ZNF385D: variants seen among roughly 807,000 people sequenced by gnomAD.
The protein encoded by ZNF385D is zinc finger protein 659.
In ZNF385D, 15 loss-of-function variants were observed where a neutral mutation model predicts 35.8. That is an observed-to-expected ratio of 0.42 (90% CI 0.28 to 0.64). The LOEUF (loss-of-function observed/expected upper bound fraction) is 0.64, where lower values mean the gene tolerates loss of function less well. Among genes scored for constraint, ZNF385D ranks in the 30% least tolerant of loss-of-function variants. The pLI is 0.23. For synonymous variants in ZNF385D, 212 were observed against 186.8 expected, an observed-to-expected ratio of 1.13 and a Z score of -1.10; for missense variants, 474 against 494.6, an observed-to-expected ratio of 0.96 and a Z score of 0.39.
chr3:21,684,531 T>C (rs1034611350), intron 1 of ZNF385D, among the ~76,000 whole-genome samples: 1 of 150,508 alleles, frequency 6.6e-6, no homozygotes, highest in Non-Finnish European at 1.5e-5. Context: ...AAATCTTTAA[T>C]AAGCCCAAAT....
chr3:22,252,954 C>T (rs1211391975), intron 2 of ZNF385D, among the ~76,000 whole-genome samples: 1 of 152,030 alleles, frequency 6.6e-6, no homozygotes, highest in Non-Finnish European at 1.5e-5. Flanking sequence ...ACAAAGCATT[C>T]TTTTAAAACC....
At chr3:21,436,671 A>G (rs1027096143) in intron 5 of ZNF385D, 4 of 298,900 alleles carry the variant, frequency 1.3e-5, no homozygotes, top group Non-Finnish European at 2.5e-5. Context: ...AAATAAATAA[A>G]CAAACTAGAA....
intron 2 of ZNF385D, among the ~76,000 whole-genome samples, chr3:22,174,605 T>C (rs1166227640): frequency 1.3e-5 from 2 of 152,154 alleles, no homozygotes; most frequent in African/African-American, 4.8e-5. Context: ...CTCATATAAA[T>C]AGTGGTAGAG....
intron 2 of ZNF385D, among the ~76,000 whole-genome samples, chr3:22,367,252 G>T (rs1280796113): frequency 6.6e-6 from 1 of 152,028 alleles, no homozygotes. Flanking sequence ...TATAGATGAG[G>T]ACACTGAGGT....
chr3:21,998,807 T>C (rs187218097), intron 3 of ZNF385D, among the ~76,000 whole-genome samples: 12 of 152,322 alleles, frequency 7.9e-5, no homozygotes, highest in Admixed American at 1.3e-4. Flanking sequence ...TAGGCTTAAA[T>C]AGACTGTCAA....
At chr3:21,600,484 A>G (rs919823482) in intron 2 of ZNF385D, among the ~76,000 whole-genome samples, 20 of 152,242 alleles carry the variant, frequency 1.3e-4, no homozygotes, top group African/African-American at 4.6e-4. Context: ...GACCACACTC[A>G]TTCATACTAG....
At chr3:21,755,371 G>A (rs191248296), upstream of ZNF385D, among the ~76,000 whole-genome samples, 3 of 152,162 alleles carry the variant, frequency 2.0e-5, no homozygotes, top group Admixed American at 2.0e-4. Context: ...GGTCGTTAAG[G>A]TTTTCGACAA....
At chr3:21,881,704 C>T (rs1471602162) in intron 3 of ZNF385D, among the ~76,000 whole-genome samples, 1 of 151,822 alleles carries the variant, frequency 6.6e-6, no homozygotes, top group Non-Finnish European at 1.5e-5. Context: ...CTAGTGACTC[C>T]TCTGATGGAT....
At chr3:21,790,520 T>C (rs2071883315) in intron 3 of ZNF385D, among the ~76,000 whole-genome samples, 1 of 152,168 alleles carries the variant, frequency 6.6e-6, no homozygotes, top group Non-Finnish European at 1.5e-5. Context: ...GAAAAAAGAT[T>C]ACTGAAAAAA....
chr3:21,953,021 G>T (rs980889846), intron 3 of ZNF385D, among the ~76,000 whole-genome samples: 6 of 151,918 alleles, frequency 3.9e-5, no homozygotes, highest in Admixed American at 3.3e-4. Context: ...AATCAAGATT[G>T]CAGGTATCTA....
At chr3:21,568,090 G>C (rs2063211219) in intron 2 of ZNF385D, among the ~76,000 whole-genome samples, 1 of 151,800 alleles carries the variant, frequency 6.6e-6, no homozygotes. Flanking sequence ...CTTTTAAAAT[G>C]GATTTCACAA....
At chr3:21,635,586 G>GT (rs1187350089) in intron 2 of ZNF385D, among the ~76,000 whole-genome samples, 1 of 151,736 alleles carries the variant, frequency 6.6e-6, no homozygotes, top group Non-Finnish European at 1.5e-5. Flanking sequence ...GTTTCCATAG[G>GT]TTTGGGGGAA....
intron 3 of ZNF385D, among the ~76,000 whole-genome samples, chr3:21,803,325 T>C (rs966810364): frequency 6.6e-6 from 1 of 152,218 alleles, no homozygotes; most frequent in Admixed American, 6.5e-5. Context: ...TTCACTATTA[T>C]CATCTTCCTT....
At chr3:22,090,732 G>A (rs190028271) in intron 3 of ZNF385D, among the ~76,000 whole-genome samples, 1 of 152,126 alleles carries the variant, frequency 6.6e-6, no homozygotes, top group Non-Finnish European at 1.5e-5. Context: ...TTGGAAGGGG[G>A]ACATACGTTT....
chr3:22,248,002 T>C (rs1175065329), intron 2 of ZNF385D, among the ~76,000 whole-genome samples: 1 of 152,170 alleles, frequency 6.6e-6, no homozygotes, highest in Admixed American at 6.5e-5. Context: ...TATAAATAAG[T>C]TCACAAAATA....
chr3:21,964,358 G>T (rs1310304533), intron 3 of ZNF385D, among the ~76,000 whole-genome samples: 5 of 120,616 alleles, frequency 4.1e-5, no homozygotes, highest in East Asian at 5.7e-4. Context: ...CTCTTCCATA[G>T]CACTTGCTTC....
intron 2 of ZNF385D, among the ~76,000 whole-genome samples, chr3:22,197,168 A>G (rs1322182319): frequency 6.6e-6 from 1 of 151,668 alleles, no homozygotes; most frequent in Non-Finnish European, 1.5e-5. Context: ...GTTTGGTGCA[A>G]TTTTTGTTGA....
rs1695577049 is a variant in ZNF385D at position 21,997,872 on chromosome 3, C to CAT, written c.325+170944_325+170945insAT. 3.3e-5 allele frequency among the ~76,000 whole-genome samples: 3 copies of CAT among 90,194 alleles called. No homozygotes were observed. The South Asian group carries it at 1.2e-3, about 36-fold the overall frequency. The allele number at this position is 90,194 out of a possible 152,430, so 59.2% of individuals were successfully genotyped here. A position where few individuals can be genotyped will look rare whatever the true frequency, so the allele number is the denominator to read the frequency against. The stretch of plus-strand genomic sequence containing the variant: ...TTGCTATTTGGCGCGCGCGCGCGCG[C>CAT]GTGTGTGTGTGTGTGTGTGTGTGTG... On this transcript the variant is annotated intron_variant, in intron 3 of 5. Coordinates refer to the ZNF385D transcript ENST00000494108.
chr3:21,978,559 G>C (rs987984640), intron 3 of ZNF385D, among the ~76,000 whole-genome samples: 1 of 152,294 alleles, frequency 6.6e-6, no homozygotes, highest in South Asian at 2.1e-4. Flanking sequence ...TGTGATCTGA[G>C]ACATACGTTT....
Sources: gnomAD v4.1 joint callset for allele counts (sites outside exome capture counted in the v4.1 genomes callset) on GRCh38, gnomAD v4.1.1 for gene constraint, MANE v1.5 for transcripts, NCBI Gene and HGNC (gene_info 2026-07-23, HGNC 2026-07-21) for gene names.